Variants in ZBTB16 observed in about 807,000 individuals in gnomAD.
ZBTB16 encodes zinc finger and BTB domain-containing protein 16.
A neutral mutation model predicts 56.8 loss-of-function variants in ZBTB16; 8 were observed. The observed-to-expected ratio is 0.14, with a 90% CI of 0.08 to 0.25. The LOEUF is 0.25. Among genes scored for constraint, ZBTB16 ranks in the 10% least tolerant of loss-of-function variants. ZBTB16 has a pLI of 1.00. For missense variants in ZBTB16, 625 were observed against 903.0 expected (o/e 0.69, Z 3.95); for synonymous variants, 363 against 368.5 (o/e 0.98, Z 0.17).
Position 114,254,910 on chromosome 11 carries a change from AAG to A in ZBTB16, c.*4358_*4359del, listed in dbSNP as rs1354887803. On this transcript the variant is annotated 3_prime_UTR_variant, in exon 7 of 7. Coordinates refer to ENST00000335953, the MANE Select transcript of ZBTB16 (RefSeq NM_006006.6). ...GGGTCAGGGGAAAAGGGTGGGGAGA[AAG>A]AGGGGTGCAGGCCCTGCAGGCCGGT... is the stretch of plus-strand genomic sequence containing the variant. 6.6e-6 allele frequency among the ~76,000 whole-genome samples: 1 copy of A among 152,090 alleles called. No homozygotes were observed. Among genetic ancestry groups the A allele is most frequent in the East Asian group, 1.9e-4 (1 of 5,174 alleles).
intron 3 of ZBTB16, among the ~76,000 whole-genome samples, chr11:114,157,620 G>A (rs186928332): frequency 3.9e-5 from 6 of 152,278 alleles, no homozygotes; most frequent in Admixed American, 2.6e-4. Context: ...GGGTACAGTC[G>A]TGGAAGTGCT....
chr11:114,234,317 ACT>A (rs1944517628), intron 4 of ZBTB16, among the ~76,000 whole-genome samples: 1 of 152,068 alleles, frequency 6.6e-6, no homozygotes, highest in Non-Finnish European at 1.5e-5. Context: ...GCAGTGGGTG[ACT>A]CTATATGCAG....
intron 2 of ZBTB16, among the ~76,000 whole-genome samples, chr11:114,125,858 G>A (rs1379778758): frequency 6.6e-6 from 1 of 152,122 alleles, no homozygotes; most frequent in Non-Finnish European, 1.5e-5. Context: ...TCCACAATAC[G>A]CATCTCTTTT....
At chr11:114,100,239 T>C (rs1940559978) in intron 2 of ZBTB16, among the ~76,000 whole-genome samples, 1 of 152,226 alleles carries the variant, frequency 6.6e-6, no homozygotes. Flanking sequence ...AAATGGCTTA[T>C]CCAGTCATCT....
chr11:114,106,068 T>A (rs963617892), intron 2 of ZBTB16, among the ~76,000 whole-genome samples: 12 of 152,192 alleles, frequency 7.9e-5, no homozygotes, highest in Non-Finnish European at 1.5e-4. Context: ...TCTATCCCCT[T>A]CCTCTCCCCG....
intron 4 of ZBTB16, among the ~76,000 whole-genome samples, chr11:114,191,535 G>A (rs1487882134): frequency 1.3e-5 from 2 of 152,166 alleles, no homozygotes; most frequent in African/African-American, 4.8e-5. Context: ...TACCCACTAG[G>A]AAGTGGAGAG....
At chr11:114,169,868 G>A (rs1354780943) in intron 3 of ZBTB16, among the ~76,000 whole-genome samples, 1 of 152,186 alleles carries the variant, frequency 6.6e-6, no homozygotes, top group Non-Finnish European at 1.5e-5. Flanking sequence ...GAGTGCTGTG[G>A]TGGGAGTGGC....
intron 2 of ZBTB16, among the ~76,000 whole-genome samples, chr11:114,122,542 T>C (rs1375079721): frequency 6.6e-6 from 1 of 152,104 alleles, no homozygotes; most frequent in Non-Finnish European, 1.5e-5. Context: ...TAAAGGAAGG[T>C]TTTATGGAGC....
intron 2 of ZBTB16, among the ~76,000 whole-genome samples, chr11:114,142,548 G>T (rs934030721): frequency 3.3e-5 from 5 of 152,216 alleles, no homozygotes. Context: ...GGAATTTATC[G>T]CTGTTGTCAA....
intron 2 of ZBTB16, among the ~76,000 whole-genome samples, chr11:114,134,029 C>T (rs1941736023): frequency 6.6e-6 from 1 of 152,152 alleles, no homozygotes; most frequent in Admixed American, 6.5e-5. Flanking sequence ...AAGTGTGGCT[C>T]CTGAGATGCA....
chr11:114,249,751 G>A (rs1407764642), intron 6 of ZBTB16, among the ~76,000 whole-genome samples: 8 of 107,792 alleles, frequency 7.4e-5, no homozygotes, highest in Non-Finnish European at 1.2e-4. Flanking sequence ...TGGCCTGGGC[G>A]ACACAGCGAG....
intron 2 of ZBTB16, among the ~76,000 whole-genome samples, chr11:114,082,771 G>A (rs936926181): frequency 6.6e-6 from 1 of 151,938 alleles, no homozygotes; most frequent in Non-Finnish European, 1.5e-5. Context: ...CTGGGGAGAG[G>A]GGGTCTTCAG....
chr11:114,133,058 G>A (rs1472177665), intron 2 of ZBTB16, among the ~76,000 whole-genome samples: 2 of 152,160 alleles, frequency 1.3e-5, no homozygotes, highest in African/African-American at 4.8e-5. Context: ...CTTAGTGTCT[G>A]ACTCTTTTTA....
At chr11:114,223,130 C>T (rs772557844) in intron 4 of ZBTB16, among the ~76,000 whole-genome samples, 1 of 152,164 alleles carries the variant, frequency 6.6e-6, no homozygotes, top group African/African-American at 2.4e-5. Flanking sequence ...GAGTGATAGC[C>T]GTTCTGCAGG....
At chr11:114,120,176 T>C (rs1436802770) in intron 2 of ZBTB16, among the ~76,000 whole-genome samples, 2 of 152,114 alleles carry the variant, frequency 1.3e-5, no homozygotes, top group African/African-American at 4.8e-5. Context: ...TGGAAGGCGG[T>C]TGGCTGAGGC....
In ZBTB16 at chr11:114,250,963, G is replaced by A. The variant is rs12291208; in HGVS notation, c.*408G>A. On this transcript the variant is annotated 3_prime_UTR_variant, in exon 7 of 7. Transcript: ENST00000335953. The surrounding 1 kb of genome is among the most constrained non-coding windows in gnomAD (Gnocchi z 6.0). ...GGCCTTCCTCCACCAAGACCCCCAGGAGATGAAGGGAGGGAGGAGGTGAGC... is the reference window on the plus strand; with the variant it reads ...GGCCTTCCTCCACCAAGACCCCCAGAAGATGAAGGGAGGGAGGAGGTGAGC... Among the ~76,000 whole-genome samples, 1,568 of 152,244 alleles carry A rather than the reference G, an allele frequency of 0.01. 14 individuals carry two copies. The highest frequency in any genetic ancestry group is 0.034 in the African/African-American group (1,396 of 41,532).
At chr11:114,129,293 C>T (rs1941598756) in intron 2 of ZBTB16, among the ~76,000 whole-genome samples, 1 of 152,250 alleles carries the variant, frequency 6.6e-6, no homozygotes, top group Non-Finnish European at 1.5e-5. Flanking sequence ...GTAGCAGTGA[C>T]TCTGCAATTA....
At chr11:114,164,418 T>A (rs773080600) in intron 3 of ZBTB16, among the ~76,000 whole-genome samples, 6 of 152,198 alleles carry the variant, frequency 3.9e-5, no homozygotes, top group Non-Finnish European at 5.9e-5. Flanking sequence ...TGCTGGGACA[T>A]CTGTCTGTCT....
chr11:114,212,249 C>T (rs1480831643), intron 4 of ZBTB16, among the ~76,000 whole-genome samples: 2 of 152,062 alleles, frequency 1.3e-5, no homozygotes, highest in Admixed American at 6.5e-5. Flanking sequence ...GAAAATTCAT[C>T]TTGAGAAGGT....
Sources: allele counts gnomAD v4.1 joint callset (sites outside exome capture counted in the v4.1 genomes callset), GRCh38; gene constraint gnomAD v4.1.1; non-coding constraint Gnocchi (gnomAD v3.1); transcripts MANE v1.5; gene names NCBI Gene and HGNC (gene_info 2026-07-23, HGNC 2026-07-21).